HSD17B12: variants seen among roughly 807,000 people sequenced by gnomAD.
HSD17B12 encodes very-long-chain 3-oxoacyl-CoA reductase.
A neutral mutation model predicts 39.3 loss-of-function variants in HSD17B12; 32 were observed. The observed-to-expected ratio is 0.81, with a 90% CI of 0.61 to 1.09. The LOEUF (loss-of-function observed/expected upper bound fraction) is 1.09, where lower values mean the gene tolerates loss of function less well. HSD17B12 is among the 50% of genes least tolerant of loss of function. The probability of loss-of-function intolerance (pLI) is 0.00; values close to 1 mark genes in which losing one functional copy is unlikely to be tolerated. For synonymous variants in HSD17B12, 150 were observed against 146.7 expected, an observed-to-expected ratio of 1.02 and a Z score of -0.16; for missense variants, 342 against 382.9, an observed-to-expected ratio of 0.89 and a Z score of 0.89.
chr11:43,737,839 C>T (rs796295307), intron 1 of HSD17B12, among the ~76,000 whole-genome samples: 2 of 152,012 alleles, frequency 1.3e-5, no homozygotes, highest in Admixed American at 6.6e-5. Context: ...TTTGGGAGGC[C>T]GAGGCAGGTG....
At chr11:43,724,876 C>G (rs1288159614) in intron 1 of HSD17B12, among the ~76,000 whole-genome samples, 1 of 152,092 alleles carries the variant, frequency 6.6e-6, no homozygotes, top group Non-Finnish European at 1.5e-5. Context: ...TCAAGAGAAA[C>G]TAGGGGCACA....
At chr11:43,743,093 A>C (rs1379916906) in intron 1 of HSD17B12, among the ~76,000 whole-genome samples, 1 of 152,174 alleles carries the variant, frequency 6.6e-6, no homozygotes, top group Non-Finnish European at 1.5e-5. Flanking sequence ...GTTTCACTTA[A>C]ATTTGATAGT....
At chr11:43,825,413 G>C (rs971093208) in intron 6 of HSD17B12, among the ~76,000 whole-genome samples, 2 of 152,142 alleles carry the variant, frequency 1.3e-5, no homozygotes, top group African/African-American at 4.8e-5. Flanking sequence ...TCTGGCATGT[G>C]ACACAATGCC....
intron 1 of HSD17B12, among the ~76,000 whole-genome samples, chr11:43,684,698 T>G (rs1949781654): frequency 6.6e-6 from 1 of 152,228 alleles, no homozygotes; most frequent in South Asian, 2.1e-4. Context: ...ACAACTTTAG[T>G]GGGATATAAT....
the HSD17B12 span, among the ~76,000 whole-genome samples, chr11:43,651,305 T>G: frequency 4.7e-4 from 72 of 152,318 alleles, no homozygotes; most frequent in African/African-American, 1.7e-3. Flanking sequence ...CATCATACTT[T>G]CTGTGCTGGA....
chr11:43,750,209 G>A (rs1950452139), intron 1 of HSD17B12, among the ~76,000 whole-genome samples: 1 of 152,000 alleles, frequency 6.6e-6, no homozygotes, highest in Non-Finnish European at 1.5e-5. Context: ...TATCCTGGAA[G>A]ATTCCCGTAT....
chr11:43,590,337 A>G, the HSD17B12 span, among the ~76,000 whole-genome samples: 4 of 150,278 alleles, frequency 2.7e-5, no homozygotes, highest in Admixed American at 2.0e-4. Flanking sequence ...TTGCAATGAC[A>G]TTGCACCTTA....
chr11:43,655,168 T>C, the HSD17B12 span, among the ~76,000 whole-genome samples: 1 of 152,210 alleles, frequency 6.6e-6, no homozygotes, highest in Admixed American at 6.5e-5. Context: ...TTTGAAGCAA[T>C]TGTGATTGGG....
chr11:43,702,900 C>A (rs750708053), intron 1 of HSD17B12, among the ~76,000 whole-genome samples: 1 of 152,074 alleles, frequency 6.6e-6, no homozygotes, highest in Non-Finnish European at 1.5e-5. Context: ...CAGTTTGGCC[C>A]AGGGAAGCCA....
chr11:43,568,977 A>G, the HSD17B12 span, among the ~76,000 whole-genome samples: 1 of 152,220 alleles, frequency 6.6e-6, no homozygotes, highest in African/African-American at 2.4e-5. Flanking sequence ...CATTTTAGAG[A>G]TATCTAGGTC....
intron 4 of HSD17B12, among the ~76,000 whole-genome samples, chr11:43,807,382 G>A (rs1186484268): frequency 2.0e-5 from 3 of 152,158 alleles, no homozygotes; most frequent in African/African-American, 7.2e-5. Flanking sequence ...GGAGGAAACG[G>A]CATGTACAAA....
the HSD17B12 span, among the ~76,000 whole-genome samples, chr11:43,616,928 C>T: frequency 3.5e-5 from 5 of 144,114 alleles, no homozygotes; most frequent in Non-Finnish European, 6.1e-5. Flanking sequence ...GCCAAGATTG[C>T]GTCATTGCAC....
intron 3 of HSD17B12, among the ~76,000 whole-genome samples, chr11:43,764,173 T>C (rs574273571): frequency 7.9e-5 from 12 of 152,278 alleles, no homozygotes; most frequent in African/African-American, 2.4e-4. Context: ...TGGATTCTTA[T>C]ATAACTCTGA....
the HSD17B12 span, among the ~76,000 whole-genome samples, chr11:43,559,470 T>A: frequency 2.0e-4 from 31 of 152,314 alleles, no homozygotes; most frequent in African/African-American, 7.5e-4. Context: ...CATGCAGACA[T>A]GTATGTGCAG....
intron 3 of HSD17B12, among the ~76,000 whole-genome samples, chr11:43,784,272 A>G (rs190206055): frequency 5.8e-4 from 88 of 151,170 alleles, no homozygotes; most frequent in East Asian, 7.8e-4. Context: ...GAATTTACAG[A>G]TAACACAAGT....
chr11:43,570,361 ATTT>A, the HSD17B12 span: 3 of 152,154 alleles, frequency 2.0e-5, no homozygotes, highest in African/African-American at 7.2e-5. Context: ...AATCATCTAG[ATTT>A]TTTTCTCCAA....
chr11:43,776,528 G>A (rs1950705947), intron 3 of HSD17B12, among the ~76,000 whole-genome samples: 1 of 152,038 alleles, frequency 6.6e-6, no homozygotes, highest in Non-Finnish European at 1.5e-5. Flanking sequence ...TGAGTATGTT[G>A]CGAAAATTTT....
chr11:43,845,154 T>A (rs913607359), intron 9 of HSD17B12, among the ~76,000 whole-genome samples: 1 of 152,172 alleles, frequency 6.6e-6, no homozygotes, highest in African/African-American at 2.4e-5. Context: ...CCACCAAGCC[T>A]AGCATTTTTT....
chr11:43,757,298 C>T (rs561604941), intron 3 of HSD17B12, among the ~76,000 whole-genome samples: 1 of 152,284 alleles, frequency 6.6e-6, no homozygotes, highest in East Asian at 1.9e-4. Context: ...AGGTGGCATG[C>T]AGTCCCTGTT....
Sources: allele counts gnomAD v4.1 joint callset (sites outside exome capture counted in the v4.1 genomes callset), GRCh38; gene constraint gnomAD v4.1.1; transcripts MANE v1.5; gene names NCBI Gene and HGNC (gene_info 2026-07-23, HGNC 2026-07-21).